PDE4B: variants seen among roughly 807,000 people sequenced by gnomAD.
PDE4B encodes the protein phosphodiesterase 4B.
Under a neutral mutation model 82.2 loss-of-function variants are expected in PDE4B, and 20 were observed. The ratio of observed to expected loss-of-function variants is 0.24; its 90% CI spans 0.17 to 0.35. The LOEUF is 0.35. Ranked by LOEUF, PDE4B falls within the 10% of genes least tolerant of loss-of-function variation. The probability of loss-of-function intolerance (pLI) is 1.00; values close to 1 mark genes in which losing one functional copy is unlikely to be tolerated. For synonymous variants in PDE4B, 320 were observed against 318.9 expected (o/e 1.00, Z -0.04); for missense variants, 655 against 907.2 (o/e 0.72, Z 3.57).
intron 3 of PDE4B, among the ~76,000 whole-genome samples, chr1:66,094,020 A>G (rs921737711): frequency 6.6e-5 from 10 of 152,096 alleles, no homozygotes; most frequent in African/African-American, 2.4e-4. Flanking sequence ...ATCATGGGAA[A>G]TAGACAAAAA....
intron 3 of PDE4B, among the ~76,000 whole-genome samples, chr1:66,044,377 A>G (rs1654566181): frequency 6.6e-6 from 1 of 151,746 alleles, no homozygotes; most frequent in Admixed American, 6.6e-5. Flanking sequence ...TCTCTGAGAA[A>G]GTTTCTACAT....
chr1:65,861,184 T>G (rs368188158), intron 1 of PDE4B, among the ~76,000 whole-genome samples: 3 of 152,356 alleles, frequency 2.0e-5, no homozygotes, highest in African/African-American at 4.8e-5. Context: ...GTTTGGGGTT[T>G]TACATTTAAA....
intron 7 of PDE4B, among the ~76,000 whole-genome samples, chr1:66,310,590 T>C (rs1239742374): frequency 7.9e-5 from 12 of 152,196 alleles, no homozygotes. Context: ...ATATCATCTT[T>C]AAATGACCAA....
rs543143674 is a variant in PDE4B at position 66,373,636 on chromosome 1, A to G, written c.*958A>G. On this transcript the variant is annotated 3_prime_UTR_variant, in exon 17 of 17. Coordinates refer to ENST00000341517, the MANE Select transcript of PDE4B (RefSeq NM_002600.4). ...TGCGCTAACACCTCCATTCCTGTTT[A>G]TAACCGTGTATTTATTACTTAATGT... 1 of 152,748 alleles carries G rather than the reference A, an allele frequency of 6.5e-6. No homozygotes were observed. Among genetic ancestry groups the G allele is most frequent in the South Asian group, 2.1e-4 (1 of 4,824 alleles). The allele number at this position is 152,748 out of a possible 1,614,324, so 9.5% of individuals were successfully genotyped here.
intron 3 of PDE4B, among the ~76,000 whole-genome samples, chr1:65,946,760 A>AGGTCCAG (rs1648734264): frequency 6.6e-6 from 1 of 152,024 alleles, no homozygotes; most frequent in South Asian, 2.1e-4. Flanking sequence ...GACCTTATGC[A>AGGTCCAG]GACCCATTTG....
At chr1:66,095,911 T>G (rs1645104722) in intron 3 of PDE4B, among the ~76,000 whole-genome samples, 1 of 151,910 alleles carries the variant, frequency 6.6e-6, no homozygotes, top group South Asian at 2.1e-4. Flanking sequence ...ATACATGCTA[T>G]TGTAAATGTT....
At chr1:65,809,010 G>T (rs185685921) in intron 1 of PDE4B, among the ~76,000 whole-genome samples, 104 of 152,168 alleles carry the variant, frequency 6.8e-4, no homozygotes, top group African/African-American at 2.4e-3. Context: ...ATGTTATGTG[G>T]TGTGTGGGTA....
intron 1 of PDE4B, among the ~76,000 whole-genome samples, chr1:65,840,101 GA>G (rs1444592107): frequency 6.6e-6 from 1 of 152,138 alleles, no homozygotes; most frequent in East Asian, 1.9e-4. Context: ...GAATTTCATA[GA>G]AAACTATATT....
chr1:65,856,495 T>G (rs540848140), intron 1 of PDE4B, among the ~76,000 whole-genome samples: 5 of 152,304 alleles, frequency 3.3e-5, no homozygotes, highest in Admixed American at 6.5e-5. Flanking sequence ...TCCATGTCCC[T>G]TCAAAGGACA....
chr1:66,196,703 G>C (rs958840702), intron 3 of PDE4B, among the ~76,000 whole-genome samples: 1 of 150,060 alleles, frequency 6.7e-6, no homozygotes, highest in African/African-American at 2.4e-5. Flanking sequence ...GTAAACTATC[G>C]CAAGAACAAA....
At chr1:66,047,981 A>G (rs1406149597) in intron 3 of PDE4B, among the ~76,000 whole-genome samples, 3 of 151,936 alleles carry the variant, frequency 2.0e-5, no homozygotes, top group Non-Finnish European at 4.4e-5. Flanking sequence ...TCCACAGAGC[A>G]TGCATACACG....
intron 3 of PDE4B, among the ~76,000 whole-genome samples, chr1:66,124,267 A>G (rs1645774050): frequency 6.6e-6 from 1 of 152,130 alleles, no homozygotes; most frequent in African/African-American, 2.4e-5. Context: ...GAAAATGATC[A>G]TTTTCCTTTG....
At chr1:66,314,227 C>A (rs1323021680) in intron 7 of PDE4B, among the ~76,000 whole-genome samples, 3 of 152,156 alleles carry the variant, frequency 2.0e-5, no homozygotes, top group African/African-American at 7.2e-5. Context: ...AGGTTCCCAA[C>A]TCTAGCTACT....
chr1:66,246,548 G>C (rs146441540), intron 3 of PDE4B, among the ~76,000 whole-genome samples: 6 of 152,314 alleles, frequency 3.9e-5, no homozygotes, highest in Admixed American at 1.3e-4. Flanking sequence ...GGCTAAGAGA[G>C]ATTGTGTGTG....
intron 1 of PDE4B, among the ~76,000 whole-genome samples, chr1:65,793,839 GCT>G (rs765805333): frequency 4.6e-5 from 7 of 152,278 alleles, no homozygotes; most frequent in Non-Finnish European, 7.4e-5. Flanking sequence ...GAAGGAAGAG[GCT>G]CTCCTCCTTT....
chr1:65,933,705 A>G (rs1647968102), intron 3 of PDE4B, among the ~76,000 whole-genome samples: 2 of 152,068 alleles, frequency 1.3e-5, no homozygotes, highest in African/African-American at 4.8e-5. Context: ...TCAGCGCCAT[A>G]CTTGTCTTAA....
rs1312150818 is a variant in PDE4B at position 66,368,976 on chromosome 1, A to G, written c.1845+7A>G. The stretch of plus-strand genomic sequence containing the variant: ...TTCTGTGGAAAAATCCCAGGTATCT[A>G]ATATGAGATTTTCAAAGTTTTTGTG... On this transcript the variant is annotated splice_region_variant and intron_variant, in intron 16 of 16. Coordinates refer to ENST00000341517, the MANE Select transcript of PDE4B (RefSeq NM_002600.4). 3 of 1,593,586 alleles carry G rather than the reference A, an allele frequency of 1.9e-6. No homozygotes were observed. In the East Asian group the frequency reaches 6.7e-5, roughly 36 times the overall value.
At chr1:66,202,903 G>C (rs1359018436) in intron 3 of PDE4B, among the ~76,000 whole-genome samples, 1 of 151,260 alleles carries the variant, frequency 6.6e-6, no homozygotes, top group Non-Finnish European at 1.5e-5. Context: ...ATGTTAGCTG[G>C]TTATTTTGCT....
In PDE4B at chr1:65,872,066, G is replaced by A. The variant is rs548671750; in HGVS notation, c.-70-41179G>A. ...ATTTTGGTTTCATGCATGATTTTAT[G>A]GCAAAAACCTACATAAATTGTGTAT... On this transcript the variant is annotated intron_variant, in intron 1 of 16. Coordinates refer to ENST00000341517, the MANE Select transcript of PDE4B (RefSeq NM_002600.4). 7.9e-5 allele frequency among the ~76,000 whole-genome samples: 12 copies of A among 152,146 alleles called. No individual in the cohort carries two copies. In the South Asian group the frequency reaches 2.5e-3, roughly 32 times the overall value.
Sources: gnomAD v4.1 joint callset for allele counts (sites outside exome capture counted in the v4.1 genomes callset) on GRCh38, gnomAD v4.1.1 for gene constraint, MANE v1.5 for transcripts, NCBI Gene and HGNC (gene_info 2026-07-23, HGNC 2026-07-21) for gene names.